Variants in BTBD7 observed in about 807,000 individuals in gnomAD.
The protein encoded by BTBD7 is BTB/POZ domain-containing protein 7.
In BTBD7, 38 loss-of-function variants were observed where a neutral mutation model predicts 99.9. The ratio of observed to expected loss-of-function variants is 0.38; its 90% CI spans 0.29 to 0.50. The LOEUF is 0.50. BTBD7 is among the 20% of genes least tolerant of loss of function. BTBD7 has a pLI of 0.93. For missense variants in BTBD7, 1,170 were observed against 1,394.6 expected (o/e 0.84, Z 2.57); for synonymous variants, 520 against 511.4 (o/e 1.02, Z -0.23).
At chr14:93,299,276 G>A (rs1177028066) in intron 1 of BTBD7, among the ~76,000 whole-genome samples, 3 of 152,078 alleles carry the variant, frequency 2.0e-5, no homozygotes, top group African/African-American at 7.2e-5. Context: ...TTACTTCTCA[G>A]GTAACCAAAA....
intron 3 of BTBD7, among the ~76,000 whole-genome samples, chr14:93,280,187 T>A (rs1422090879): frequency 2.0e-5 from 3 of 152,214 alleles, no homozygotes; most frequent in Non-Finnish European, 4.4e-5. Context: ...CAACTAATCA[T>A]GCAGTTTAGC....
intron 1 of BTBD7, among the ~76,000 whole-genome samples, chr14:93,325,042 G>A (rs1183079333): frequency 1.3e-5 from 2 of 151,550 alleles, no homozygotes; most frequent in African/African-American, 4.9e-5. Flanking sequence ...ACTCTTGTGA[G>A]TCTGGACTTT....
chr14:93,292,095 G>A (rs1037149153), intron 3 of BTBD7, among the ~76,000 whole-genome samples: 20 of 152,140 alleles, frequency 1.3e-4, no homozygotes, highest in African/African-American at 4.8e-4. Flanking sequence ...GCTGAGGCAG[G>A]AGAATCACTT....
In BTBD7 at chr14:93,289,114, T is replaced by C. The variant is rs182529388; in HGVS notation, c.1162+4744A>G. Reference sequence around the variant, plus strand: ...GGGCATGTCACCTTGTTGCAAGTGATAGTAATGCAAGAACAGACAAATGGA... The same window carrying C: ...GGGCATGTCACCTTGTTGCAAGTGACAGTAATGCAAGAACAGACAAATGGA... On this transcript the variant is annotated intron_variant, in intron 3 of 10. Coordinates refer to ENST00000334746, the MANE Select transcript of BTBD7 (RefSeq NM_001002860.4). Among the ~76,000 whole-genome samples the C allele has an allele frequency of 1.4e-3, 216 of 152,240 alleles. 3 individuals are homozygous for C. Among genetic ancestry groups the C allele is most frequent in the African/African-American group, 4.9e-3 (205 of 41,548 alleles).
intron 1 of BTBD7, among the ~76,000 whole-genome samples, chr14:93,324,633 C>G (rs1380766558): frequency 6.6e-6 from 1 of 152,162 alleles, no homozygotes; most frequent in Middle Eastern, 3.2e-3. Context: ...GATCCCAAGA[C>G]AGCTGTCGGT....
intron 1 of BTBD7, among the ~76,000 whole-genome samples, chr14:93,296,467 A>G (rs2052928132): frequency 6.6e-6 from 1 of 152,232 alleles, no homozygotes; most frequent in African/African-American, 2.4e-5. Flanking sequence ...CTGAAAATAA[A>G]TGTTTTAATT....
intron 1 of BTBD7, among the ~76,000 whole-genome samples, chr14:93,329,848 A>G (rs1256632840): frequency 6.6e-6 from 1 of 152,226 alleles, no homozygotes; most frequent in Non-Finnish European, 1.5e-5. Flanking sequence ...AGAAAACTCC[A>G]AATGAAAGAA....
At chr14:93,324,738 C>T (rs963784120) in intron 1 of BTBD7, among the ~76,000 whole-genome samples, 11 of 152,240 alleles carry the variant, frequency 7.2e-5, no homozygotes, top group South Asian at 6.2e-4. Context: ...CAAATCTGAT[C>T]GGTACAAATA....
rs1338022889 is a variant in BTBD7, at chr14:93,283,586, C to CTT, written c.1162+10271_1162+10272insAA. On this transcript the variant is annotated intron_variant, in intron 3 of 10. Coordinates refer to ENST00000334746, the MANE Select transcript of BTBD7 (RefSeq NM_001002860.4). ...TTTGGTTTTGAGACAGTCTCTCACT[C>CTT]TATCACCCAGGCTGGAGTGCAGTAG... Among the ~76,000 whole-genome samples the CTT allele has an allele frequency of 2.6e-5, 4 of 152,190 alleles. No individual in the cohort carries two copies. In the East Asian group the frequency reaches 7.7e-4, roughly 29 times the overall value.
chr14:93,248,597 G>A lies in BTBD7; in HGVS notation c.2000C>T (p.Thr667Met), dbSNP rs200351621. 56 of 1,613,740 alleles carry A rather than the reference G, an allele frequency of 3.5e-5. 1 individual carries two copies. In the Admixed American group the frequency reaches 6.8e-4, roughly 20 times the overall value. The change falls in exon 9 of 11, where the codon ACG becomes ATG. Residue 667 changes from threonine (T) to methionine (M), a missense_variant. By Grantham distance (81) the Thr-to-Met change is moderately conservative (BLOSUM62 -1). Transcript: ENST00000334746. ...GGCATAGGCCCTCTGCACCTGCTCC[G>A]TGTGCCGCAGTTCCTGCAGTCGTCT... ...MVRRLQELRH[T>M]EQVQRAYALN... is the part of the protein sequence containing the mutation.
At chr14:93,325,650 A>C (rs1465275532) in intron 1 of BTBD7, among the ~76,000 whole-genome samples, 1 of 152,212 alleles carries the variant, frequency 6.6e-6, no homozygotes, top group East Asian at 1.9e-4. Flanking sequence ...TGAGAAAATT[A>C]ATCTTCAGAT....
chr14:93,246,297 T>TA lies in BTBD7; in HGVS notation c.2122-12_2122-11insT. Reference sequence around the variant, plus strand: ...GAATTTGTGAGGATTCTAAAAAAGATTAAAAAAAAAAAAAAAGGACATTTA... The same window carrying TA: ...GAATTTGTGAGGATTCTAAAAAAGATATAAAAAAAAAAAAAAAGGACATTTA... On this transcript the variant is annotated splice_polypyrimidine_tract_variant and intron_variant, in intron 9 of 10. Transcript: ENST00000334746. 7.2e-7 allele frequency: 1 copy of TA among 1,379,578 alleles called. No individual in the cohort carries two copies. Among genetic ancestry groups the TA allele is most frequent in the Non-Finnish European group, 9.3e-7 (1 of 1,072,250 alleles). 85.5% of individuals were successfully genotyped at this position (1,379,578 alleles called of 1,614,324 possible).
intron 1 of BTBD7, among the ~76,000 whole-genome samples, chr14:93,322,049 T>C (rs1039882208): frequency 1.2e-4 from 18 of 152,186 alleles, no homozygotes; most frequent in African/African-American, 4.1e-4. Flanking sequence ...ATATGAGCCA[T>C]AGGATCCAAA....
At chr14:93,299,093 A>C (rs1241596567) in intron 1 of BTBD7, among the ~76,000 whole-genome samples, 1 of 152,094 alleles carries the variant, frequency 6.6e-6, no homozygotes, top group Non-Finnish European at 1.5e-5. Flanking sequence ...ATAAACACAG[A>C]CCTTGGAAGG....
intron 3 of BTBD7, among the ~76,000 whole-genome samples, chr14:93,276,088 T>C (rs1281552612): frequency 6.6e-6 from 1 of 151,986 alleles, no homozygotes; most frequent in East Asian, 1.9e-4. Context: ...TGGTGGCATA[T>C]GCCTGTAGTC....
At chr14:93,260,060 A>T (rs535745960) in intron 5 of BTBD7, among the ~76,000 whole-genome samples, 1 of 152,230 alleles carries the variant, frequency 6.6e-6, no homozygotes, top group Non-Finnish European at 1.5e-5. Flanking sequence ...ACAGAAAAAA[A>T]ATTGGAGAAA....
chr14:93,308,417 T>C (rs2053097554), intron 1 of BTBD7, among the ~76,000 whole-genome samples: 1 of 152,028 alleles, frequency 6.6e-6, no homozygotes, highest in East Asian at 1.9e-4. Context: ...AATGTTTCCA[T>C]AAGCAATAAA....
chr14:93,328,611 TAAAAAAAAAAAAAAA>T (rs57161505), intron 1 of BTBD7, among the ~76,000 whole-genome samples: 26 of 101,872 alleles, frequency 2.6e-4, no homozygotes, highest in African/African-American at 8.3e-4. Context: ...TAAAATTCTT[TAAAAAAAAAAAAAAA>T]AAAAAAAAAA....
intron 1 of BTBD7, among the ~76,000 whole-genome samples, chr14:93,306,748 T>A (rs2053075330): frequency 6.6e-6 from 1 of 152,146 alleles, no homozygotes; most frequent in Non-Finnish European, 1.5e-5. Flanking sequence ...CCCAGCAAAA[T>A]ATGGGTGATC....
Sources: allele counts gnomAD v4.1 joint callset (sites outside exome capture counted in the v4.1 genomes callset), GRCh38; gene constraint gnomAD v4.1.1; transcripts MANE v1.5; gene names NCBI Gene and HGNC (gene_info 2026-07-23, HGNC 2026-07-21).